Variants in MAFA observed in about 807,000 individuals in gnomAD.
MAFA encodes the protein MAF bZIP transcription factor A.
For missense variants in MAFA, 547 were observed against 538.0 expected (o/e 1.02, Z -0.16); for synonymous variants, 244 against 260.3 (o/e 0.94, Z 0.60).
In MAFA at chr8:143,429,893, C is replaced by A; in HGVS notation, c.514G>T (p.Ala172Ser). 1 of 1,302,264 alleles carries A rather than the reference C, an allele frequency of 7.7e-7. No homozygotes were observed. Among genetic ancestry groups the A allele is most frequent in the East Asian group, 3.2e-5 (1 of 31,072 alleles). 80.7% of individuals were successfully genotyped at this position (1,302,264 alleles called of 1,614,324 possible). ...ATGTCGTCCGCTCCGCCGCCGCCCG[C>A]GAAGCCCGGGCCGCGGAAAGCCTCG... ...AYEAFRGPGF[A>S]GGGGADDMGA... Residue 172 changes from alanine (A) to serine (S), a missense_variant, in exon 1 of 1, where the codon GCG becomes TCG. Physicochemically the swap from Ala to Ser is moderately conservative, Grantham distance 99 (BLOSUM62 1). Transcript: ENST00000333480. The surrounding 1 kb of genome is among the most constrained non-coding windows in gnomAD (Gnocchi z 5.9).
At position 143,430,281 on chromosome 8, in the gene MAFA, G is replaced by A; in HGVS notation, c.126C>T (p.Cys42=). 1 of 1,450,258 alleles carries A rather than the reference G, an allele frequency of 6.9e-7. No individual in the cohort carries two copies. Among genetic ancestry groups the A allele is most frequent in the South Asian group, 1.2e-5 (1 of 80,522 alleles). The allele number at this position is 1,450,258 out of a possible 1,614,324, so 89.8% of individuals were successfully genotyped here. Reference sequence around the variant, plus strand: ...ACAGCGAGCCTGGCGGCAGGCGGTGGCAGAAGCGCTCGGCCTCGGGAGGCT... The same window carrying A: ...ACAGCGAGCCTGGCGGCAGGCGGTGACAGAAGCGCTCGGCCTCGGGAGGCT... The part of the protein sequence containing the change: ...KKEPPEAERF[C]HRLPPGSLSS... The change falls in exon 1 of 1, where the codon TGC becomes TGT. Residue 42 remains cysteine, a synonymous_variant. Transcript: ENST00000333480.
In MAFA at chr8:143,430,454, G is replaced by C. The variant is rs917481192; in HGVS notation, c.-48C>G. 1.7e-5 allele frequency: 14 copies of C among 830,680 alleles called. No individual in the cohort carries two copies. The highest frequency in any genetic ancestry group is 2.0e-5 in the Non-Finnish European group (13 of 659,960). 51.5% of individuals were successfully genotyped at this position (830,680 alleles called of 1,614,324 possible). ...GCGCCCCGACGGGCGGCGTGGGAGT[G>C]GGGGGGGAGCTGCAGGCCTCTCCCC... On this transcript the variant is annotated 5_prime_UTR_variant, in exon 1 of 1. Coordinates refer to ENST00000333480, the MANE Select transcript of MAFA (RefSeq NM_201589.4).
Position 143,429,756 on chromosome 8 carries a change from C to T in MAFA, c.651G>A (p.Ala217=), listed in dbSNP as rs1399667217. The part of the protein sequence containing the change: ...HHGGAGHGGG[A]GHHVRLEERF... ...GCTCCTCCAGGCGCACGTGGTGGCC[C>T]GCGCCACCGCCGTGTCCCGCGCCGC... The change falls in exon 1 of 1, where the codon GCG becomes GCA. Residue 217 remains alanine, a synonymous_variant. Coordinates refer to ENST00000333480, the MANE Select transcript of MAFA (RefSeq NM_201589.4). This position sits in a 1 kb window ranked among gnomAD's most constrained non-coding sequence, Gnocchi z 5.9. 2.0e-6 allele frequency: 3 copies of T among 1,535,932 alleles called. No homozygotes were observed. The Admixed American group carries it at 5.8e-5, about 30-fold the overall frequency.
chr8:143,429,094 CCT>C lies in MAFA; in HGVS notation c.*249_*250del, dbSNP rs1819491488. The C allele has an allele frequency of 3.1e-6, 1 of 326,532 alleles. No homozygotes were observed. The highest frequency in any genetic ancestry group is 1.4e-4 in the South Asian group (1 of 6,952). 20.2% of individuals were successfully genotyped at this position (326,532 alleles called of 1,614,324 possible). A position where few individuals can be genotyped will look rare whatever the true frequency, so the allele number is the denominator to read the frequency against. ...AGCGGACGCTTGGAAAGAAGTTAGA[CCT>C]GGCTCAAGTTTCCTTAGAAATCACC... On this transcript the variant is annotated 3_prime_UTR_variant, in exon 1 of 1. Transcript: ENST00000333480. The surrounding 1 kb of genome is among the most constrained non-coding windows in gnomAD (Gnocchi z 5.9).
Position 143,429,588 on chromosome 8 carries a change from G to T in MAFA, c.819C>A (p.Phe273Leu). The T allele has an allele frequency of 6.2e-7, 1 of 1,602,476 alleles. No homozygotes were observed. ...GAATGTGCCGCTGCTGCACCCGCTT[G>T]AAGCGGCAGGACTGCGCGTAGCCGC... Reference protein sequence around the residue: ...KNRGYAQSCRFKRVQQRHILE... With the variant: ...KNRGYAQSCRLKRVQQRHILE... Residue 273 changes from phenylalanine (F) to leucine (L), a missense_variant, in exon 1 of 1, where the codon TTC becomes TTA. Physicochemically the swap from Phe to Leu is conservative, Grantham distance 22. Coordinates refer to ENST00000333480, the MANE Select transcript of MAFA (RefSeq NM_201589.4). The surrounding 1 kb of genome is among the most constrained non-coding windows in gnomAD (Gnocchi z 5.9).
rs1563824223 is a variant in MAFA, at chr8:143,428,380, AAC to A, written c.*963_*964del. On this transcript the variant is annotated 3_prime_UTR_variant, in exon 1 of 1. Transcript: ENST00000333480. Reference sequence around the variant, plus strand: ...AAGAAAGATTCCACAAACAAAACGAAACACAATTTAAATTAAAATAAAAACAC... The same window carrying A: ...AAGAAAGATTCCACAAACAAAACGAAACAATTTAAATTAAAATAAAAACAC... 6.6e-6 allele frequency: 1 copy of A among 152,174 alleles called. No individual in the cohort carries two copies. The highest frequency in any genetic ancestry group is 1.5e-5 in the Non-Finnish European group (1 of 68,024). The allele number at this position is 152,174 out of a possible 1,614,324, so 9.4% of individuals were successfully genotyped here. A position where few individuals can be genotyped will look rare whatever the true frequency, so the allele number is the denominator to read the frequency against.
Position 143,429,119 on chromosome 8 carries a change from A to G in MAFA, c.*226T>C. 2.6e-6 allele frequency: 1 copy of G among 381,356 alleles called. No homozygotes were observed. The highest frequency in any genetic ancestry group is 4.4e-6 in the Non-Finnish European group (1 of 227,556). The allele number at this position is 381,356 out of a possible 1,614,324, so 23.6% of individuals were successfully genotyped here. A position where few individuals can be genotyped will look rare whatever the true frequency, so the allele number is the denominator to read the frequency against. ...CCTGGCTCAAGTTTCCTTAGAAATC[A>G]CCGTTCTCCGCTCAACCTCAGGACG... On this transcript the variant is annotated 3_prime_UTR_variant, in exon 1 of 1. Transcript: ENST00000333480. The surrounding 1 kb of genome is among the most constrained non-coding windows in gnomAD (Gnocchi z 5.9).
In MAFA at chr8:143,429,734, C is replaced by A; in HGVS notation, c.673G>T (p.Glu225Ter). The change falls in exon 1 of 1, where the codon GAG becomes TAG. Residue 225 changes from glutamate to a stop codon, truncating the protein, a stop_gained. Transcript: ENST00000333480. LOFTEE classifies it low-confidence loss of function (END_TRUNC). This position sits in a 1 kb window ranked among gnomAD's most constrained non-coding sequence, Gnocchi z 5.9. Reference protein sequence around the residue: ...GGAGHHVRLEERFSDDQLVSM... With the variant: ...GGAGHHVRLE The stretch of plus-strand genomic sequence containing the variant: ...ACCAGCTGGTCGTCGGAGAAGCGCT[C>A]CTCCAGGCGCACGTGGTGGCCCGCG... The A allele has an allele frequency of 6.5e-7, 1 of 1,548,526 alleles. No individual in the cohort carries two copies.
In MAFA at chr8:143,430,453, T is replaced by TG. The variant is rs1297774069; in HGVS notation, c.-48dup. 335 of 870,772 alleles carry TG rather than the reference T, an allele frequency of 3.8e-4. No homozygotes were observed. Among genetic ancestry groups the TG allele is most frequent in the Middle Eastern group, 4.8e-4 (1 of 2,076 alleles). The allele number at this position is 870,772 out of a possible 1,614,324, so 53.9% of individuals were successfully genotyped here. On this transcript the variant is annotated 5_prime_UTR_variant, in exon 1 of 1. Coordinates refer to ENST00000333480, the MANE Select transcript of MAFA (RefSeq NM_201589.4). ...CGCGCCCCGACGGGCGGCGTGGGAG[T>TG]GGGGGGGGAGCTGCAGGCCTCTCCC...
rs773390216 is a variant in MAFA at position 143,429,537 on chromosome 8, C to T, written c.870G>A (p.Gln290=). Residue 290 remains glutamine (Q), a synonymous_variant, in exon 1 of 1, where the codon CAG becomes CAA. Coordinates refer to ENST00000333480, the MANE Select transcript of MAFA (RefSeq NM_201589.4). The surrounding 1 kb of genome is among the most constrained non-coding windows in gnomAD (Gnocchi z 5.9). ...CCAGCTTCAGCTGCTCCACCTGGCTCTGGAGTTGGCACTTCTCGCTCTCCA... is the reference window on the plus strand; with the variant it reads ...CCAGCTTCAGCTGCTCCACCTGGCTTTGGAGTTGGCACTTCTCGCTCTCCA... ...HILESEKCQL[Q]SQVEQLKLEV... 2 of 1,605,608 alleles carry T rather than the reference C, an allele frequency of 1.2e-6. No homozygotes were observed. Among genetic ancestry groups the T allele is most frequent in the Admixed American group, 3.3e-5 (2 of 59,942 alleles).
Position 143,429,237 on chromosome 8 carries a change from G to A in MAFA, c.*108C>T, listed in dbSNP as rs1819493570. 18 of 1,207,922 alleles carry A rather than the reference G, an allele frequency of 1.5e-5. No homozygotes were observed. The highest frequency in any genetic ancestry group is 1.6e-5 in the African/African-American group (1 of 62,988). 74.8% of individuals were successfully genotyped at this position (1,207,922 alleles called of 1,614,324 possible). A position where few individuals can be genotyped will look rare whatever the true frequency, so the allele number is the denominator to read the frequency against. On this transcript the variant is annotated 3_prime_UTR_variant, in exon 1 of 1. Coordinates refer to ENST00000333480, the MANE Select transcript of MAFA (RefSeq NM_201589.4). This position sits in a 1 kb window ranked among gnomAD's most constrained non-coding sequence, Gnocchi z 5.9. The stretch of plus-strand genomic sequence containing the variant: ...CTTGGCACCGGGGCCAGCACGGCCG[G>A]GCCGGGCCTGGTGTCCACGTCCTGT...
rs777851207 is a variant in MAFA, at chr8:143,430,414, G to T, written c.-8C>A. 3 of 1,245,644 alleles carry T rather than the reference G, an allele frequency of 2.4e-6. No homozygotes were observed. The East Asian group carries it at 1.3e-4, about 54-fold the overall frequency. The allele number at this position is 1,245,644 out of a possible 1,614,324, so 77.2% of individuals were successfully genotyped here. On this transcript the variant is annotated 5_prime_UTR_variant, in exon 1 of 1. Transcript: ENST00000333480. ...CGCCAGCTCCGCGGCCATCGCCCGG[G>T]GCCCGCGCCCGGCCGCGCCCCGACG...
chr8:143,429,576 C>A lies in MAFA; in HGVS notation c.831G>T (p.Gln277His). 4.4e-6 allele frequency: 7 copies of A among 1,604,040 alleles called. No homozygotes were observed. Among genetic ancestry groups the A allele is most frequent in the African/African-American group, 1.3e-5 (1 of 75,006 alleles). The change falls in exon 1 of 1, where the codon CAG becomes CAT. Residue 277 changes from glutamine to histidine, a missense_variant. By Grantham distance (24) the Gln-to-His change is conservative (BLOSUM62 0). Transcript: ENST00000333480. This position sits in a 1 kb window ranked among gnomAD's most constrained non-coding sequence, Gnocchi z 5.9. Reference sequence around the variant, plus strand: ...TCTCGCTCTCCAGAATGTGCCGCTGCTGCACCCGCTTGAAGCGGCAGGACT... The same window carrying A: ...TCTCGCTCTCCAGAATGTGCCGCTGATGCACCCGCTTGAAGCGGCAGGACT... ...YAQSCRFKRV[Q>H]QRHILESEKC...
At position 143,429,719 on chromosome 8, in the gene MAFA, C is replaced by T; in HGVS notation, c.688G>A (p.Asp230Asn). The stretch of plus-strand genomic sequence containing the variant: ...CGCACCGACATGGACACCAGCTGGT[C>T]GTCGGAGAAGCGCTCCTCCAGGCGC... ...HVRLEERFSD[D>N]QLVSMSVREL... Residue 230 changes from aspartate (D) to asparagine (N), a missense_variant, in exon 1 of 1, where the codon GAC (aspartate) becomes AAC (asparagine). Coordinates refer to ENST00000333480, the MANE Select transcript of MAFA (RefSeq NM_201589.4). The surrounding 1 kb of genome is among the most constrained non-coding windows in gnomAD (Gnocchi z 5.9). The T allele has an allele frequency of 2.6e-6, 4 of 1,558,062 alleles. No individual in the cohort carries two copies. The highest frequency in any genetic ancestry group is 3.5e-6 in the Non-Finnish European group (4 of 1,159,272).
chr8:143,429,312 C>A lies in MAFA; in HGVS notation c.*33G>T. On this transcript the variant is annotated 3_prime_UTR_variant, in exon 1 of 1. Transcript: ENST00000333480. This position sits in a 1 kb window ranked among gnomAD's most constrained non-coding sequence, Gnocchi z 5.9. ...CGAGAGGCCTGCGCGAACTTGTCCC[C>A]GGCGACGGCGGCGCGGGCTCGGGGT... 7.6e-7 allele frequency: 1 copy of A among 1,310,324 alleles called. No individual in the cohort carries two copies. 81.2% of individuals were successfully genotyped at this position (1,310,324 alleles called of 1,614,324 possible).
chr8:143,429,832 G>A lies in MAFA; in HGVS notation c.575C>T (p.Ala192Val). 1.4e-6 allele frequency: 2 copies of A among 1,456,614 alleles called. No homozygotes were observed. The highest frequency in any genetic ancestry group is 1.4e-5 in the South Asian group (1 of 73,718). 90.2% of individuals were successfully genotyped at this position (1,456,614 alleles called of 1,614,324 possible). The change falls in exon 1 of 1, where the codon GCC becomes GTC. Residue 192 changes from alanine to valine, a missense_variant. Ala to Val is a moderately conservative substitution (Grantham distance 64, BLOSUM62 0). Transcript: ENST00000333480. This position sits in a 1 kb window ranked among gnomAD's most constrained non-coding sequence, Gnocchi z 5.9. ...AGHHHGAHHAAHHHHAAHHHH... is the reference protein window; with the variant it reads ...AGHHHGAHHAVHHHHAAHHHH... ...GTGGTGGGCGGCGTGGTGATGGTGG[G>A]CGGCGTGGTGCGCGCCGTGGTGGTG... is the stretch of plus-strand genomic sequence containing the variant.
At position 143,430,348 on chromosome 8, in the gene MAFA, T is replaced by C; in HGVS notation, c.59A>G (p.Tyr20Cys). Residue 20 changes from tyrosine to cysteine, a missense_variant, in exon 1 of 1, where the codon TAC becomes TGC. Tyr to Cys is a radical substitution (Grantham distance 194). Coordinates refer to ENST00000333480, the MANE Select transcript of MAFA (RefSeq NM_201589.4). ...ELPSSPLAIE[Y>C]VNDFDLMKFE... ...CTTCATCAGGTCGAAGTCGTTGACG[T>C]ACTCGATGGCCAGCGGGCTGCTGGG... 1.4e-6 allele frequency: 2 copies of C among 1,445,528 alleles called. No homozygotes were observed. Among genetic ancestry groups the C allele is most frequent in the Non-Finnish European group, 1.8e-6 (2 of 1,084,396 alleles). The allele number at this position is 1,445,528 out of a possible 1,614,324, so 89.5% of individuals were successfully genotyped here.
In MAFA at chr8:143,429,366, G is replaced by A. The variant is rs1819495359; in HGVS notation, c.1041C>T (p.Gly347=). 2.2e-6 allele frequency: 3 copies of A among 1,390,466 alleles called. No individual in the cohort carries two copies. The highest frequency in any genetic ancestry group is 2.8e-6 in the Non-Finnish European group (3 of 1,082,766). The allele number at this position is 1,390,466 out of a possible 1,614,324, so 86.1% of individuals were successfully genotyped here. Residue 347 remains glycine, a synonymous_variant, in exon 1 of 1, where the codon GGC becomes GGT. Coordinates refer to ENST00000333480, the MANE Select transcript of MAFA (RefSeq NM_201589.4). The surrounding 1 kb of genome is among the most constrained non-coding windows in gnomAD (Gnocchi z 5.9). Reference sequence around the variant, plus strand: ...GCGCCTACAGGAAGAAGTCGGCCGTGCCCTTGGCCCCGCCGGGACCGGCCT... The same window carrying A: ...GCGCCTACAGGAAGAAGTCGGCCGTACCCTTGGCCCCGCCGGGACCGGCCT... ...PPQAGPGGAK[G]TADFFL is the part of the protein sequence containing the mutation.
Position 143,429,235 on chromosome 8 carries a change from C to G in MAFA, c.*110G>C. The G allele has an allele frequency of 1.7e-6, 2 of 1,199,592 alleles. No homozygotes were observed. Among genetic ancestry groups the G allele is most frequent in the Non-Finnish European group, 1.0e-6 (1 of 964,462 alleles). 74.3% of individuals were successfully genotyped at this position (1,199,592 alleles called of 1,614,324 possible). A position where few individuals can be genotyped will look rare whatever the true frequency, so the allele number is the denominator to read the frequency against. On this transcript the variant is annotated 3_prime_UTR_variant, in exon 1 of 1. Transcript: ENST00000333480. This position sits in a 1 kb window ranked among gnomAD's most constrained non-coding sequence, Gnocchi z 5.9. ...GACTTGGCACCGGGGCCAGCACGGC[C>G]GGGCCGGGCCTGGTGTCCACGTCCT...
Sources: allele counts gnomAD v4.1 joint callset, GRCh38; gene constraint gnomAD v4.1.1; non-coding constraint Gnocchi (gnomAD v3.1); transcripts MANE v1.5; gene names NCBI Gene and HGNC (gene_info 2026-07-23, HGNC 2026-07-21).